Variants in ASPA observed in about 807,000 individuals in gnomAD.
ASPA encodes ACY-2.
A neutral mutation model predicts 29.6 loss-of-function variants in ASPA; 25 were observed. The ratio of observed to expected loss-of-function variants is 0.85; its 90% confidence interval spans 0.62 to 1.18. The LOEUF (loss-of-function observed/expected upper bound fraction) is 1.18. Among genes scored for constraint, ASPA ranks in the 50% most tolerant of loss-of-function variants. ASPA has a pLI of 0.00. For synonymous variants in ASPA, 131 were observed against 130.3 expected, an observed-to-expected ratio of 1.01 and a Z score of -0.04; for missense variants, 333 against 385.7, an observed-to-expected ratio of 0.86 and a Z score of 1.14.
intron 1 of ASPA, among the ~76,000 whole-genome samples, chr17:3,476,937 C>T (rs780427761): frequency 1.1e-4 from 16 of 152,112 alleles, no homozygotes; most frequent in Non-Finnish European, 1.6e-4. Flanking sequence ...AGGCGGATCA[C>T]GAGGTCAGGA....
rs2073879823 is a variant in ASPA at position 3,494,592 on chromosome 17, G to A, written c.744+133G>A. On this transcript the variant is annotated intron_variant, in intron 5 of 5. Coordinates refer to ENST00000263080, the MANE Select transcript of ASPA (RefSeq NM_000049.4). ...TCATTAGACACTGAGTGTAGATAGG[G>A]AAGATGTTCGGACTGTCGCTCAATA... is the stretch of plus-strand genomic sequence containing the variant. 3.9e-6 allele frequency: 3 copies of A among 772,860 alleles called. No homozygotes were observed. The South Asian group carries it at 4.4e-5, about 11-fold the overall frequency. 47.9% of individuals were successfully genotyped at this position (772,860 alleles called of 1,614,324 possible).
At chr17:3,494,295 C>A in intron 4 of ASPA, 55 bp from the exon 5 acceptor site, 1 of 1,382,692 alleles carries the variant, frequency 7.2e-7, no homozygotes, top group Non-Finnish European at 1.0e-6. Flanking sequence ...TGAGCCACCA[C>A]ACCCGGCCCA....
intron 5 of ASPA, 143 bp from the exon 6 acceptor site, chr17:3,498,748 C>A: frequency 1.3e-6 from 1 of 767,888 alleles, no homozygotes; most frequent in Non-Finnish European, 1.9e-6. Flanking sequence ...AGTCAGATCA[C>A]TTGCCTGCAT....
In ASPA at chr17:3,497,678, G is replaced by A. The variant is rs572362472; in HGVS notation, c.745-1213G>A. Among the ~76,000 whole-genome samples, 19 of 152,220 alleles carry A rather than the reference G, an allele frequency of 1.2e-4. No homozygotes were observed. The South Asian group carries it at 2.7e-3, about 22-fold the overall frequency. On this transcript the variant is annotated intron_variant, in intron 5 of 5. Coordinates refer to ENST00000263080, the MANE Select transcript of ASPA (RefSeq NM_000049.4). ...AGGATGGAGAAAACTGCGGTGATGC[G>A]GCACTTCCCAAACACTAATGTCGTG...
At position 3,501,948 on chromosome 17, in the gene ASPA, A is replaced by C. The variant is rs2073995003; in HGVS notation, c.*2860A>C. The C allele has an allele frequency of 1.3e-5, 1 of 79,524 alleles. No individual in the cohort carries two copies. The highest frequency in any genetic ancestry group is 4.6e-4 in the South Asian group (1 of 2,184). 4.9% of individuals were successfully genotyped at this position (79,524 alleles called of 1,614,324 possible). On this transcript the variant is annotated 3_prime_UTR_variant, in exon 6 of 6. Transcript: ENST00000263080. ...AGCCTGGTGGACACAGCAAGCCTCCATCTCAAAAAAAAAAAAAAAAAAAAA... is the reference window on the plus strand; with the variant it reads ...AGCCTGGTGGACACAGCAAGCCTCCCTCTCAAAAAAAAAAAAAAAAAAAAA...
Position 3,489,231 on chromosome 17 carries a change from C to T in ASPA, c.527-4C>T. The T allele has an allele frequency of 6.3e-7, 1 of 1,575,134 alleles. No individual in the cohort carries two copies. The highest frequency in any genetic ancestry group is 8.7e-7 in the Non-Finnish European group (1 of 1,146,366). On this transcript the variant is annotated splice_polypyrimidine_tract_variant and splice_region_variant and intron_variant, in intron 3 of 5. Transcript: ENST00000263080. Reference sequence around the variant, plus strand: ...AATGTGACTATCTCTCCTTCTGTACCTAGGTATAGAAGTTGGTCCTCAGCC... The same window carrying T: ...AATGTGACTATCTCTCCTTCTGTACTTAGGTATAGAAGTTGGTCCTCAGCC...
rs577273204 is a variant in ASPA at position 3,479,775 on chromosome 17, A to G, written c.237-1828A>G. On this transcript the variant is annotated intron_variant, in intron 1 of 5. Coordinates refer to ENST00000263080, the MANE Select transcript of ASPA (RefSeq NM_000049.4). ...TCTCATTCCAGGCAGGAATTAGCCC[A>G]TTGTACACAGTAGGTCCCTTGAAGA... 1.9e-4 allele frequency among the ~76,000 whole-genome samples: 29 copies of G among 152,294 alleles called. No individual in the cohort carries two copies. The South Asian group carries it at 5.2e-3, about 27-fold the overall frequency.
intron 1 of ASPA, among the ~76,000 whole-genome samples, chr17:3,477,567 C>T (rs188283858): frequency 1.3e-5 from 2 of 152,180 alleles, no homozygotes; most frequent in Non-Finnish European, 2.9e-5. Context: ...ATTCTCCTGC[C>T]TCAACCTCCC....
At chr17:3,477,385 C>T (rs770661816) in intron 1 of ASPA, among the ~76,000 whole-genome samples, 17 of 152,142 alleles carry the variant, frequency 1.1e-4, no homozygotes, top group Admixed American at 3.3e-4. Context: ...TTTTTGCCTT[C>T]GTTTACATCA....
chr17:3,483,756 T>C (rs1271609215), intron 3 of ASPA, among the ~76,000 whole-genome samples, 164 bp downstream of exon 3: 1 of 152,178 alleles, frequency 6.6e-6, no homozygotes, highest in Non-Finnish European at 1.5e-5. Context: ...TCTACCTCTC[T>C]GGTTCAAGTG....
intron 4 of ASPA, 111 bp from the exon 5 acceptor site, chr17:3,494,239 G>A: frequency 1.3e-6 from 1 of 767,878 alleles, no homozygotes; most frequent in Non-Finnish European, 2.3e-6. Context: ...CCTGACCTCA[G>A]GTGATCCACC....
In ASPA at chr17:3,499,132, T is replaced by G. The variant is rs765729393; in HGVS notation, c.*44T>G. 6.3e-7 allele frequency: 1 copy of G among 1,584,216 alleles called. No homozygotes were observed. The highest frequency in any genetic ancestry group is 8.6e-7 in the Non-Finnish European group (1 of 1,161,320). ...ATCTTACACGGTGTCTTACAAATTC[T>G]GCTAGTCTGTAAGCTCCTTAAGAGT... On this transcript the variant is annotated 3_prime_UTR_variant, in exon 6 of 6. Transcript: ENST00000263080.
intron 1 of ASPA, 59 bp from the exon 2 acceptor site, chr17:3,481,544 T>C (rs2073626562): frequency 6.8e-7 from 1 of 1,476,062 alleles, no homozygotes; most frequent in African/African-American, 1.4e-5. Flanking sequence ...GTTCTTATTA[T>C]ATGTTTATAT....
At chr17:3,474,151 C>T (rs1245037533), upstream of ASPA, 2 of 152,142 alleles carry the variant, frequency 1.3e-5, no homozygotes, top group Non-Finnish European at 2.9e-5. Context: ...CCACAGAAGA[C>T]AAACTCTGTA....
In ASPA at chr17:3,499,167, C is replaced by T; in HGVS notation, c.*79C>T. The stretch of plus-strand genomic sequence containing the variant: ...TAAGCTCCTTAAGAGTAGGGTTGTG[C>T]CTTATTCAACTGCATACATAGCTCC... On this transcript the variant is annotated 3_prime_UTR_variant, in exon 6 of 6. Coordinates refer to ENST00000263080, the MANE Select transcript of ASPA (RefSeq NM_000049.4). 1 of 1,471,228 alleles carries T rather than the reference C, an allele frequency of 6.8e-7. No individual in the cohort carries two copies. 91.1% of individuals were successfully genotyped at this position (1,471,228 alleles called of 1,614,324 possible). A position where few individuals can be genotyped will look rare whatever the true frequency, so the allele number is the denominator to read the frequency against.
Position 3,502,409 on chromosome 17 carries a change from G to A in ASPA, c.*3321G>A, listed in dbSNP as rs1455911806. On this transcript the variant is annotated 3_prime_UTR_variant, in exon 6 of 6. Coordinates refer to ENST00000263080, the MANE Select transcript of ASPA (RefSeq NM_000049.4). ...GCTGAAATATCTCTGAGGTATGCCT[G>A]TAATGTATAAGTGCTAGTAGAAATG... 1 of 152,218 alleles carries A rather than the reference G, an allele frequency of 6.6e-6. No individual in the cohort carries two copies. Among genetic ancestry groups the A allele is most frequent in the African/African-American group, 2.4e-5 (1 of 41,456 alleles). 9.4% of individuals were successfully genotyped at this position (152,218 alleles called of 1,614,324 possible).
At position 3,494,469 on chromosome 17, in the gene ASPA, GTTCT is replaced by G. The variant is rs2073877731; in HGVS notation, c.744+17_744+20del. 6.3e-7 allele frequency: 1 copy of G among 1,580,594 alleles called. No homozygotes were observed. The highest frequency in any genetic ancestry group is 8.7e-7 in the Non-Finnish European group (1 of 1,149,490). On this transcript the variant is annotated intron_variant, in intron 5 of 5. Transcript: ENST00000263080. ...CCATCCTAATCTGCAGGTAACATTT[GTTCT>G]TTCTTTAAAATGTTGAAAATAATAA...
rs1407019608 is a variant in ASPA, at chr17:3,501,457, C to T, written c.*2369C>T. 6.6e-6 allele frequency: 1 copy of T among 152,402 alleles called. No homozygotes were observed. The highest frequency in any genetic ancestry group is 1.5e-5 in the Non-Finnish European group (1 of 68,158). 9.4% of individuals were successfully genotyped at this position (152,402 alleles called of 1,614,324 possible). A position where few individuals can be genotyped will look rare whatever the true frequency, so the allele number is the denominator to read the frequency against. Reference sequence around the variant, plus strand: ...TGAGAAGTGGAGCCTGAAGATGTAACTGAACTGCTGCAATCTCATGATCAC... The same window carrying T: ...TGAGAAGTGGAGCCTGAAGATGTAATTGAACTGCTGCAATCTCATGATCAC... On this transcript the variant is annotated 3_prime_UTR_variant, in exon 6 of 6. Coordinates refer to ENST00000263080, the MANE Select transcript of ASPA (RefSeq NM_000049.4).
intron 5 of ASPA, among the ~76,000 whole-genome samples, chr17:3,497,174 G>A (rs2073923109): frequency 1.3e-5 from 2 of 152,176 alleles, no homozygotes; most frequent in Admixed American, 1.3e-4. Context: ...ATTTTCATGT[G>A]GCTCAGGTCT....
Sources: gnomAD v4.1 joint callset for allele counts (sites outside exome capture counted in the v4.1 genomes callset) on GRCh38, gnomAD v4.1.1 for gene constraint, MANE v1.5 for transcripts, NCBI Gene and HGNC (gene_info 2026-07-23, HGNC 2026-07-21) for gene names.